PCSK5: variants seen among roughly 807,000 people sequenced by gnomAD.
PCSK5 encodes proprotein convertase subtilisin/kexin type 5.
Under a neutral mutation model 233.2 loss-of-function variants are expected in PCSK5, and 129 were observed. The observed-to-expected ratio is 0.55, with a 90% CI of 0.48 to 0.64. The LOEUF is 0.64. Ranked by LOEUF, PCSK5 falls within the 30% of genes least tolerant of loss-of-function variation. The pLI, the probability that PCSK5 is intolerant of heterozygous loss-of-function variation, is 0.00. For missense variants in PCSK5, 2,076 were observed against 2,430.1 expected, an observed-to-expected ratio of 0.85 and a Z score of 3.06; for synonymous variants, 825 against 879.2, an observed-to-expected ratio of 0.94 and a Z score of 1.09.
At chr9:76,251,563 C>CA (rs60973474) in intron 24 of PCSK5, among the ~76,000 whole-genome samples, 40,647 of 96,424 alleles carry the variant, frequency 0.42, 7,340 homozygotes, top group East Asian at 0.64. Context: ...GACTCCGTCT[C>CA]AAAAAAAAAA....
chr9:76,073,566 C>T (rs565977055), intron 7 of PCSK5, among the ~76,000 whole-genome samples: 29 of 152,188 alleles, frequency 1.9e-4, no homozygotes, highest in African/African-American at 6.7e-4. Context: ...TCTATGTTTT[C>T]AATAGAATGA....
intron 20 of PCSK5, among the ~76,000 whole-genome samples, chr9:76,215,674 C>T (rs1305807678): frequency 2.0e-5 from 3 of 152,100 alleles, no homozygotes; most frequent in African/African-American, 7.2e-5. Flanking sequence ...GTAATCCCAG[C>T]ACTTTGGGAG....
At chr9:75,932,592 C>A in intron 2 of PCSK5, 109 bp downstream of exon 2, 1 of 706,086 alleles carries the variant, frequency 1.4e-6, no homozygotes, top group Non-Finnish European at 2.5e-6. Flanking sequence ...ATTTCTAGAA[C>A]TGTCATATTA....
chr9:76,015,687 CT>C (rs1242489521), intron 3 of PCSK5, among the ~76,000 whole-genome samples: 3 of 152,268 alleles, frequency 2.0e-5, no homozygotes, highest in Non-Finnish European at 1.5e-5. Context: ...TACTGGACAA[CT>C]TTAGGTGTTC....
intron 20 of PCSK5, among the ~76,000 whole-genome samples, chr9:76,226,871 C>T (rs1825911338): frequency 1.3e-5 from 2 of 152,132 alleles, no homozygotes; most frequent in Admixed American, 6.5e-5. Context: ...ACTTGTGAGG[C>T]TGGATTTGCT....
chr9:75,922,771 C>T (rs1292326704), intron 1 of PCSK5, among the ~76,000 whole-genome samples: 1 of 152,062 alleles, frequency 6.6e-6, no homozygotes, highest in Non-Finnish European at 1.5e-5. Flanking sequence ...ATCTCATGTC[C>T]CTTGTGAATA....
At chr9:76,054,714 A>G (rs954195730) in intron 5 of PCSK5, among the ~76,000 whole-genome samples, 2 of 152,232 alleles carry the variant, frequency 1.3e-5, no homozygotes, top group Non-Finnish European at 2.9e-5. Context: ...AAAATAGTAC[A>G]GAGTTCTTTA....
chr9:76,297,354 C>A (rs1262590556), intron 27 of PCSK5, among the ~76,000 whole-genome samples: 1 of 152,196 alleles, frequency 6.6e-6, no homozygotes, highest in Non-Finnish European at 1.5e-5. Context: ...AACAGACGGT[C>A]TCTATGGCTG....
At chr9:76,281,088 C>T (rs1020329289) in intron 24 of PCSK5, among the ~76,000 whole-genome samples, 2 of 152,176 alleles carry the variant, frequency 1.3e-5, no homozygotes, top group African/African-American at 4.8e-5. Flanking sequence ...GTCTCCATAA[C>T]ATAAAAGTGC....
At chr9:76,351,912 A>G (rs1830177436) in intron 36 of PCSK5, among the ~76,000 whole-genome samples, 1 of 152,068 alleles carries the variant, frequency 6.6e-6, no homozygotes, top group Non-Finnish European at 1.5e-5. Context: ...ACCCAAAGTT[A>G]GCCTTTGGGT....
intron 22 of PCSK5, among the ~76,000 whole-genome samples, chr9:76,234,111 G>T (rs1001781047): frequency 6.6e-6 from 1 of 152,140 alleles, no homozygotes; most frequent in South Asian, 2.1e-4. Flanking sequence ...GCTCTCAAGG[G>T]TTCTCTGCAT....
chr9:75,933,182 G>T (rs1362716300), intron 2 of PCSK5, among the ~76,000 whole-genome samples: 2 of 152,124 alleles, frequency 1.3e-5, no homozygotes, highest in Non-Finnish European at 2.9e-5. Flanking sequence ...GGGGTGTCAG[G>T]GACAAACTAA....
At chr9:76,206,422 C>A (rs1825117858) in intron 20 of PCSK5, among the ~76,000 whole-genome samples, 1 of 152,208 alleles carries the variant, frequency 6.6e-6, no homozygotes, top group Non-Finnish European at 1.5e-5. Context: ...GCATACGAAA[C>A]ATCCCCACCC....
chr9:76,261,337 T>C (rs1827167835), intron 24 of PCSK5, among the ~76,000 whole-genome samples: 1 of 152,186 alleles, frequency 6.6e-6, no homozygotes, highest in African/African-American at 2.4e-5. Flanking sequence ...AAAGTATCTC[T>C]CCTTGCGGAT....
At chr9:76,106,285 G>A (rs183117850) in intron 8 of PCSK5, among the ~76,000 whole-genome samples, 26 of 152,302 alleles carry the variant, frequency 1.7e-4, no homozygotes, top group African/African-American at 6.0e-4. Flanking sequence ...AGGTGATACT[G>A]TCCCAAAGAG....
intron 24 of PCSK5, among the ~76,000 whole-genome samples, chr9:76,268,945 T>C (rs1157869576): frequency 6.6e-6 from 1 of 152,264 alleles, no homozygotes; most frequent in Non-Finnish European, 1.5e-5. Flanking sequence ...ATTAACTGTT[T>C]GGCTTTGGCC....
chr9:76,336,372 T>C (rs1051485753), intron 34 of PCSK5, among the ~76,000 whole-genome samples: 6 of 152,188 alleles, frequency 3.9e-5, no homozygotes, highest in Non-Finnish European at 5.9e-5. Context: ...GATGAACCTT[T>C]AGGTTTCTAG....
chr9:76,028,822 A>G (rs1563981939), intron 5 of PCSK5, among the ~76,000 whole-genome samples: 2 of 152,288 alleles, frequency 1.3e-5, no homozygotes, highest in South Asian at 2.1e-4. Flanking sequence ...GGGTTAAACC[A>G]TGAGCTGAAT....
intron 10 of PCSK5, among the ~76,000 whole-genome samples, chr9:76,148,328 A>G (rs1823531765): frequency 1.5e-5 from 2 of 135,744 alleles, no homozygotes; most frequent in African/African-American, 5.6e-5. Context: ...AGAGGGAGAG[A>G]GAGAGGGAGG....
Sources: allele counts gnomAD v4.1 joint callset (sites outside exome capture counted in the v4.1 genomes callset), GRCh38; gene constraint gnomAD v4.1.1; transcripts MANE v1.5; gene names NCBI Gene and HGNC (gene_info 2026-07-23, HGNC 2026-07-21).